The following AFAP1L2 variants were observed in gnomAD, a reference collection of about 807,000 sequenced individuals.
AFAP1L2 encodes the protein actin filament-associated protein 1-like 2.
AFAP1L2 carries 46 observed loss-of-function variants against 99.3 expected under a neutral mutation model. That is an observed-to-expected ratio of 0.46 (90% CI 0.37 to 0.59). The LOEUF is 0.59. Among genes scored for constraint, AFAP1L2 ranks in the 20% least tolerant of loss-of-function variants. The pLI, the probability that AFAP1L2 is intolerant of heterozygous loss-of-function variation, is 0.00. For synonymous variants in AFAP1L2, 397 were observed against 419.1 expected (o/e 0.95, Z 0.64); for missense variants, 959 against 1,034.9 (o/e 0.93, Z 1.01).
intron 1 of AFAP1L2, among the ~76,000 whole-genome samples, chr10:114,398,185 T>G (rs529489099): frequency 6.6e-6 from 1 of 152,310 alleles, no homozygotes; most frequent in African/African-American, 2.4e-5. Flanking sequence ...GATAGAAAAT[T>G]AGGAAAGGGC....
intron 1 of AFAP1L2, among the ~76,000 whole-genome samples, chr10:114,349,780 T>C (rs529577184): frequency 1.8e-4 from 27 of 149,390 alleles, no homozygotes; most frequent in African/African-American, 6.7e-4. Flanking sequence ...AAGAAGTTTT[T>C]CTTTATCTCC....
intron 4 of AFAP1L2, among the ~76,000 whole-genome samples, chr10:114,331,139 C>A (rs1372015209): frequency 1.3e-5 from 2 of 151,940 alleles, no homozygotes; most frequent in Non-Finnish European, 2.9e-5. Flanking sequence ...TGAGGCCATG[C>A]TAAGGAACGG....
chr10:114,281,608 T>C, the AFAP1L2 span: 3 of 369,094 alleles, frequency 8.1e-6, no homozygotes, highest in Non-Finnish European at 1.1e-5. Flanking sequence ...ACCTGAGAAG[T>C]CATTGAGTCC....
chr10:114,315,858 C>A (rs543511394), intron 5 of AFAP1L2, 93 bp from the exon 6 acceptor site: 1 of 1,252,088 alleles, frequency 8.0e-7, no homozygotes, highest in Non-Finnish European at 1.1e-6. Context: ...GGAGCAGCAG[C>A]AGCCAGACCA....
At chr10:114,319,538 T>A (rs896180303) in intron 5 of AFAP1L2, 2 of 1,287,276 alleles carry the variant, frequency 1.6e-6, no homozygotes, top group Non-Finnish European at 1.0e-6. Flanking sequence ...TCACTGGCAT[T>A]CCAGCTCGGG....
the AFAP1L2 span, chr10:114,282,576 G>A: frequency 6.2e-7 from 1 of 1,613,626 alleles, no homozygotes; most frequent in Non-Finnish European, 8.5e-7. Flanking sequence ...GCCCAGGTAT[G>A]GTCTGTCTCT....
intron 2 of AFAP1L2, among the ~76,000 whole-genome samples, chr10:114,339,407 A>C (rs1371604371): frequency 6.6e-6 from 1 of 152,196 alleles, no homozygotes; most frequent in Non-Finnish European, 1.5e-5. Flanking sequence ...AGATCGCGCC[A>C]CAACACTCCC....
At chr10:114,292,129 T>C (rs2039658905), downstream of AFAP1L2, among the ~76,000 whole-genome samples, 1 of 151,920 alleles carries the variant, frequency 6.6e-6, no homozygotes, top group Non-Finnish European at 1.5e-5. Flanking sequence ...ATACAAAAGG[T>C]AGCCGGGGGT....
the AFAP1L2 span, chr10:114,289,614 A>G: frequency 5.5e-6 from 6 of 1,095,156 alleles, no homozygotes; most frequent in East Asian, 2.4e-5. Flanking sequence ...CCCAAGTGCC[A>G]GGTTCTGTGC....
intron 7 of AFAP1L2, among the ~76,000 whole-genome samples, chr10:114,311,356 T>C (rs1156651266): frequency 6.6e-6 from 1 of 152,200 alleles, no homozygotes. Context: ...CAGAATTAGT[T>C]AGAGTGATTT....
At chr10:114,366,611 T>C (rs1222911860) in intron 1 of AFAP1L2, among the ~76,000 whole-genome samples, 1 of 152,218 alleles carries the variant, frequency 6.6e-6, no homozygotes, top group Non-Finnish European at 1.5e-5. Context: ...TATTCTTATC[T>C]GATAAGAAGA....
intron 4 of AFAP1L2, among the ~76,000 whole-genome samples, chr10:114,330,240 G>C (rs2047036412): frequency 6.6e-6 from 1 of 152,190 alleles, no homozygotes; most frequent in Admixed American, 6.5e-5. Flanking sequence ...CCAGTCCAGA[G>C]CCATTCTGGG....
the AFAP1L2 span, chr10:114,286,250 G>A: frequency 3.3e-5 from 53 of 1,612,774 alleles, no homozygotes; most frequent in East Asian, 3.1e-4. Context: ...CTTCGGGAGC[G>A]CCACCAGGAC....
At chr10:114,335,799 T>G (rs2047883457) in intron 2 of AFAP1L2, among the ~76,000 whole-genome samples, 1 of 152,098 alleles carries the variant, frequency 6.6e-6, no homozygotes, top group African/African-American at 2.4e-5. Context: ...AAACAGTATA[T>G]GAATCGTCAA....
chr10:114,290,320 C>T (rs775294430), downstream of AFAP1L2: 66 of 1,550,464 alleles, frequency 4.3e-5, no homozygotes, highest in African/African-American at 9.6e-5. Flanking sequence ...TGGGAGCTAC[C>T]GCTGCAAGTG....
At position 114,299,381 on chromosome 10, in the gene AFAP1L2, C is replaced by G; in HGVS notation, c.1992G>C (p.Glu664Asp). The change falls in exon 16 of 19, where the codon GAG becomes GAC. Residue 664 changes from glutamate to aspartate, a missense_variant. Transcript: ENST00000304129. ...CCTTCTCCTCTGTGTACCGCTTCACCTCAGCTTCTGTCCGATTCTTGCCAA... is the reference window on the plus strand; with the variant it reads ...CCTTCTCCTCTGTGTACCGCTTCACGTCAGCTTCTGTCCGATTCTTGCCAA... The part of the protein sequence containing the change: ...IKLGKNRTEA[E>D]VKRYTEEKER... 6.2e-7 allele frequency: 1 copy of G among 1,614,216 alleles called. No individual in the cohort carries two copies. Among genetic ancestry groups the G allele is most frequent in the Non-Finnish European group, 8.5e-7 (1 of 1,180,040 alleles).
chr10:114,302,609 C>T (rs1388743042), intron 11 of AFAP1L2, 125 bp from the exon 12 acceptor site: 16 of 1,187,128 alleles, frequency 1.3e-5, no homozygotes, highest in East Asian at 2.5e-5. Context: ...TGTAACAGCC[C>T]GGGGCTGTGC....
chr10:114,313,257 G>A (rs1016179853), intron 7 of AFAP1L2, among the ~76,000 whole-genome samples: 4 of 152,112 alleles, frequency 2.6e-5, no homozygotes, highest in Admixed American at 1.3e-4. Context: ...CTTTACATCC[G>A]CTGGAAGCAT....
At chr10:114,312,864 AG>A (rs1324033050) in intron 7 of AFAP1L2, among the ~76,000 whole-genome samples, 4 of 152,230 alleles carry the variant, frequency 2.6e-5, no homozygotes, top group African/African-American at 9.6e-5. Flanking sequence ...AAGCTTGGTT[AG>A]GACAGGCCTG....
Sources: allele counts gnomAD v4.1 joint callset (sites outside exome capture counted in the v4.1 genomes callset), GRCh38; gene constraint gnomAD v4.1.1; transcripts MANE v1.5; gene names NCBI Gene and HGNC (gene_info 2026-07-23, HGNC 2026-07-21).